Variants in KIRREL3 observed in about 807,000 individuals in gnomAD.
The protein encoded by KIRREL3 is kirre like nephrin family adhesion molecule 3, also known as kin of IRRE-like protein 3.
In KIRREL3, 36 loss-of-function variants were observed where a neutral mutation model predicts 89.7. That is an observed-to-expected ratio of 0.40 (90% CI 0.31 to 0.53). The LOEUF is 0.53. KIRREL3 is among the 20% of genes least tolerant of loss of function. The pLI, the probability that KIRREL3 is intolerant of heterozygous loss-of-function variation, is 0.49. For missense variants in KIRREL3, 864 were observed against 1,056.6 expected (o/e 0.82, Z 2.53); for synonymous variants, 445 against 441.4 (o/e 1.01, Z -0.10).
At chr11:126,934,506 AGAG>A (rs1948093648) in intron 1 of KIRREL3, among the ~76,000 whole-genome samples, 1 of 152,224 alleles carries the variant, frequency 6.6e-6, no homozygotes. Context: ...GAAAATGAAA[AGAG>A]GAGCCACACA....
Position 126,739,564 on chromosome 11 carries a change from A to T in KIRREL3, c.56-176652T>A, listed in dbSNP as rs982369155. On this transcript the variant is annotated intron_variant, in intron 1 of 16. Coordinates refer to ENST00000525144, the MANE Select transcript of KIRREL3 (RefSeq NM_032531.4). The surrounding 1 kb of genome is among the most constrained non-coding windows in gnomAD (Gnocchi z 5.5). ...AGCTGGTGCTGACAGTGGCCTGTTC[A>T]TACTCTTCCTGAAGGTATGTCACCT... is the stretch of plus-strand genomic sequence containing the variant. Among the ~76,000 whole-genome samples, 2 of 152,190 alleles carry T rather than the reference A, an allele frequency of 1.3e-5. No individual in the cohort carries two copies. The highest frequency in any genetic ancestry group is 2.9e-5 in the Non-Finnish European group (2 of 68,038).
At chr11:126,851,389 G>GT (rs1944334013) in intron 1 of KIRREL3, among the ~76,000 whole-genome samples, 1 of 152,128 alleles carries the variant, frequency 6.6e-6, no homozygotes, top group African/African-American at 2.4e-5. Context: ...TGCAGGGAAG[G>GT]TACCTCTCTT....
intron 1 of KIRREL3, among the ~76,000 whole-genome samples, chr11:126,893,473 T>C (rs1946008034): frequency 6.6e-6 from 1 of 152,232 alleles, no homozygotes; most frequent in African/African-American, 2.4e-5. Context: ...TGTTTCCTCC[T>C]GGGGCTTATC....
At chr11:126,600,535 C>T (rs150714889) in intron 1 of KIRREL3, among the ~76,000 whole-genome samples, 2,016 of 152,290 alleles carry the variant, frequency 0.013, 37 homozygotes, top group African/African-American at 0.045. Flanking sequence ...TTCATACCCA[C>T]GAGCTAGCCA....
In KIRREL3 at chr11:126,685,447, T is replaced by C. The variant is rs1946630269; in HGVS notation, c.56-122535A>G. ...TCTCAGACACTGCTAACTTCCCACC[T>C]CCACACAAGCTGATGAGACTGGCTC... On this transcript the variant is annotated intron_variant, in intron 1 of 16. Transcript: ENST00000525144. The surrounding 1 kb of genome is among the most constrained non-coding windows in gnomAD (Gnocchi z 5.5). 6.6e-6 allele frequency among the ~76,000 whole-genome samples: 1 copy of C among 152,054 alleles called. No homozygotes were observed. Among genetic ancestry groups the C allele is most frequent in the Non-Finnish European group, 1.5e-5 (1 of 67,994 alleles).
Position 126,697,473 on chromosome 11 carries a change from C to T in KIRREL3, c.56-134561G>A, listed in dbSNP as rs1016461151. On this transcript the variant is annotated intron_variant, in intron 1 of 16. Transcript: ENST00000525144. This position sits in a 1 kb window ranked among gnomAD's most constrained non-coding sequence, Gnocchi z 4.2. ...ACTCAGAGGAGATATTCAATGAATG[C>T]TGGTTCTACTCTACCTTTCCAGGGC... is the stretch of plus-strand genomic sequence containing the variant. 6.9e-4 allele frequency among the ~76,000 whole-genome samples: 105 copies of T among 152,350 alleles called. No homozygotes were observed. The highest frequency in any genetic ancestry group is 2.3e-3 in the African/African-American group (96 of 41,582).
chr11:126,504,441 C>T (rs1365976773), intron 4 of KIRREL3, among the ~76,000 whole-genome samples: 5 of 152,148 alleles, frequency 3.3e-5, no homozygotes, highest in Admixed American at 6.5e-5. Context: ...CAGCTGACTT[C>T]GTCACTTCTA....
intron 1 of KIRREL3, among the ~76,000 whole-genome samples, chr11:126,658,819 A>G (rs909811704): frequency 1.3e-5 from 2 of 152,172 alleles, no homozygotes; most frequent in African/African-American, 4.8e-5. Flanking sequence ...AGAGTCCTTT[A>G]TGTAACCATG....
At position 126,763,128 on chromosome 11, in the gene KIRREL3, G is replaced by C. The variant is rs1248349784; in HGVS notation, c.56-200216C>G. On this transcript the variant is annotated intron_variant, in intron 1 of 16. Transcript: ENST00000525144. The surrounding 1 kb of genome is among the most constrained non-coding windows in gnomAD (Gnocchi z 4.7). Reference sequence around the variant, plus strand: ...ATCCTCGTCTGGCATTGAGAGAAGAGTGCAGGACTGGGTTTGAGAGCAGAT... The same window carrying C: ...ATCCTCGTCTGGCATTGAGAGAAGACTGCAGGACTGGGTTTGAGAGCAGAT... Among the ~76,000 whole-genome samples the C allele has an allele frequency of 2.0e-5, 3 of 152,170 alleles. No individual in the cohort carries two copies. Among genetic ancestry groups the C allele is most frequent in the Non-Finnish European group, 4.4e-5 (3 of 68,030 alleles).
rs1949258624 is a variant in KIRREL3 at position 126,965,998 on chromosome 11, GT to G, written c.55+34456del. On this transcript the variant is annotated intron_variant, in intron 1 of 16. Coordinates refer to ENST00000525144, the MANE Select transcript of KIRREL3 (RefSeq NM_032531.4). The surrounding 1 kb of genome is among the most constrained non-coding windows in gnomAD (Gnocchi z 4.4). ...AAGGAACAAATGGGGTCTTGAGAGT[GT>G]GACCATTTGGTTCACTTGAAAAGGA... is the stretch of plus-strand genomic sequence containing the variant. Among the ~76,000 whole-genome samples the G allele has an allele frequency of 1.3e-5, 2 of 152,150 alleles. No individual in the cohort carries two copies. The highest frequency in any genetic ancestry group is 4.8e-5 in the African/African-American group (2 of 41,432).
Position 126,729,001 on chromosome 11 carries a change from T to TGAG in KIRREL3, c.56-166092_56-166090dup, listed in dbSNP as rs564165056. On this transcript the variant is annotated intron_variant, in intron 1 of 16. Coordinates refer to ENST00000525144, the MANE Select transcript of KIRREL3 (RefSeq NM_032531.4). This position sits in a 1 kb window ranked among gnomAD's most constrained non-coding sequence, Gnocchi z 4.5. ...GGCTGTCCTGTTGCTGAGGAGACCTTGAGGAGGAGGCTTTTGGGGCAGGCA... is the reference window on the plus strand; with the variant it reads ...GGCTGTCCTGTTGCTGAGGAGACCTTGAGGAGGAGGAGGCTTTTGGGGCAGGCA... 5.5e-4 allele frequency among the ~76,000 whole-genome samples: 83 copies of TGAG among 152,212 alleles called. No homozygotes were observed. The highest frequency in any genetic ancestry group is 1.9e-3 in the African/African-American group (78 of 41,524).
intron 11 of KIRREL3, among the ~76,000 whole-genome samples, chr11:126,437,751 C>T (rs532811611): frequency 3.9e-4 from 60 of 152,226 alleles, no homozygotes; most frequent in African/African-American, 9.9e-4. Context: ...CCAAGATGCA[C>T]GCACCATATG....
Position 126,837,560 on chromosome 11 carries a change from C to T in KIRREL3, c.55+162895G>A, listed in dbSNP as rs959037954. ...TCCAGATTTAAAAGAACTCCTCTTC[C>T]CACCTCTTCCAATCCTCGCTACATC... On this transcript the variant is annotated intron_variant, in intron 1 of 16. Transcript: ENST00000525144. The surrounding 1 kb of genome is among the most constrained non-coding windows in gnomAD (Gnocchi z 4.7). 5.9e-5 allele frequency among the ~76,000 whole-genome samples: 9 copies of T among 152,150 alleles called. No homozygotes were observed. Among genetic ancestry groups the T allele is most frequent in the Non-Finnish European group, 1.0e-4 (7 of 68,034 alleles).
At position 126,740,497 on chromosome 11, in the gene KIRREL3, C is replaced by T. The variant is rs189400555; in HGVS notation, c.56-177585G>A. Among the ~76,000 whole-genome samples, 262 of 152,106 alleles carry T rather than the reference C, an allele frequency of 1.7e-3. 1 individual carries two copies. The highest frequency in any genetic ancestry group is 6.0e-3 in the African/African-American group (249 of 41,514). On this transcript the variant is annotated intron_variant, in intron 1 of 16. Transcript: ENST00000525144. This position sits in a 1 kb window ranked among gnomAD's most constrained non-coding sequence, Gnocchi z 6.0. Reference sequence around the variant, plus strand: ...TGACTTGAGTGTGACACAAAAGCCCCCCACTCACAGATCCCTCTCCTACCC... The same window carrying T: ...TGACTTGAGTGTGACACAAAAGCCCTCCACTCACAGATCCCTCTCCTACCC...
rs114918350 is a variant in KIRREL3 at position 126,758,185 on chromosome 11, G to A, written c.56-195273C>T. On this transcript the variant is annotated intron_variant, in intron 1 of 16. Coordinates refer to ENST00000525144, the MANE Select transcript of KIRREL3 (RefSeq NM_032531.4). ...CACTAAATGACTTTTCGATAAAGCT[G>A]CCCAGGCAATTAAGAGCATTAGCAT... 7.8e-3 allele frequency among the ~76,000 whole-genome samples: 1,186 copies of A among 152,342 alleles called. 14 individuals carry two copies. The highest frequency in any genetic ancestry group is 0.027 in the African/African-American group (1,125 of 41,572).
Position 126,653,170 on chromosome 11 carries a change from A to T in KIRREL3, c.56-90258T>A, listed in dbSNP as rs1226032854. On this transcript the variant is annotated intron_variant, in intron 1 of 16. Transcript: ENST00000525144. The surrounding 1 kb of genome is among the most constrained non-coding windows in gnomAD (Gnocchi z 5.4). ...AAGTAAACAAGAGAATGATGGAATA[A>T]CTAGGCAAGTGAGAGAGGCAGACAG... Among the ~76,000 whole-genome samples, 2 of 152,230 alleles carry T rather than the reference A, an allele frequency of 1.3e-5. No individual in the cohort carries two copies. The highest frequency in any genetic ancestry group is 2.9e-5 in the Non-Finnish European group (2 of 68,042).
At chr11:126,973,253 C>A (rs1477766055) in intron 1 of KIRREL3, among the ~76,000 whole-genome samples, 2 of 152,136 alleles carry the variant, frequency 1.3e-5, no homozygotes, top group Non-Finnish European at 2.9e-5. Flanking sequence ...GCTTCTATAT[C>A]ACCAAGATTA....
rs1195003408 is a variant in KIRREL3 at position 126,554,472 on chromosome 11, T to C, written c.133+8363A>G. Among the ~76,000 whole-genome samples, 3 of 152,168 alleles carry C rather than the reference T, an allele frequency of 2.0e-5. No homozygotes were observed. The East Asian group carries it at 5.8e-4, about 29-fold the overall frequency. On this transcript the variant is annotated intron_variant, in intron 2 of 16. Coordinates refer to ENST00000525144, the MANE Select transcript of KIRREL3 (RefSeq NM_032531.4). ...CCTGTGTTACTCTGGATGAATCACA[T>C]CCCTTTCCTGAGTCTTGGTTTCCTC...
intron 1 of KIRREL3, among the ~76,000 whole-genome samples, chr11:126,819,391 G>C (rs1592172688): frequency 6.6e-6 from 1 of 152,196 alleles, no homozygotes; most frequent in East Asian, 1.9e-4. Flanking sequence ...TGCTTGTCAA[G>C]ACAAAACAAC....
Sources: gnomAD v4.1 joint callset for allele counts (sites outside exome capture counted in the v4.1 genomes callset) on GRCh38, gnomAD v4.1.1 for gene constraint, Gnocchi (gnomAD v3.1) non-coding constraint, MANE v1.5 for transcripts, NCBI Gene and HGNC (gene_info 2026-07-23, HGNC 2026-07-21) for gene names.